The following SEC24D variants were observed in gnomAD, a reference collection of about 807,000 sequenced individuals.
The protein encoded by SEC24D is SEC24 homolog D, COPII component.
Under a neutral mutation model 116.9 loss-of-function variants are expected in SEC24D, and 69 were observed. The ratio of observed to expected loss-of-function variants is 0.59; its 90% confidence interval spans 0.49 to 0.72. The LOEUF (loss-of-function observed/expected upper bound fraction) is 0.72, where lower values mean the gene tolerates loss of function less well. Ranked by LOEUF, SEC24D falls within the 30% of genes least tolerant of loss-of-function variation. SEC24D has a pLI of 0.00. For synonymous variants in SEC24D, 405 were observed against 442.8 expected (o/e 0.91, Z 1.07); for missense variants, 1,131 against 1,264.1 (o/e 0.89, Z 1.60).
At chr4:118,738,694 G>A (rs1045665652) in intron 18 of SEC24D, among the ~76,000 whole-genome samples, 4 of 152,102 alleles carry the variant, frequency 2.6e-5, no homozygotes, top group Admixed American at 6.6e-5. Context: ...CTTACGGGCT[G>A]GATTGCTACC....
At chr4:118,760,217 G>C (rs1364304838) in intron 10 of SEC24D, among the ~76,000 whole-genome samples, 3 of 152,116 alleles carry the variant, frequency 2.0e-5, no homozygotes, top group African/African-American at 4.8e-5. Context: ...GTACAGTTCA[G>C]TGGCATTAAG....
intron 13 of SEC24D, among the ~76,000 whole-genome samples, chr4:118,746,103 G>A (rs1031618654): frequency 6.6e-6 from 1 of 151,852 alleles, no homozygotes; most frequent in Non-Finnish European, 1.5e-5. Context: ...TTAAGCCTAG[G>A]AGTTTGAGGC....
intron 8 of SEC24D, among the ~76,000 whole-genome samples, chr4:118,775,718 A>G (rs915466774): frequency 3.9e-5 from 6 of 152,176 alleles, no homozygotes; most frequent in African/African-American, 1.4e-4. Context: ...TTAGTAAGAT[A>G]TTTCACCATT....
At chr4:118,745,509 T>C (rs2110447927) in intron 13 of SEC24D, among the ~76,000 whole-genome samples, 1 of 152,196 alleles carries the variant, frequency 6.6e-6, no homozygotes, top group Admixed American at 6.5e-5. Flanking sequence ...AAAGCTACAG[T>C]GGTATTTTGA....
At chr4:118,829,244 G>A (rs1442854803) in intron 2 of SEC24D, among the ~76,000 whole-genome samples, 1 of 152,222 alleles carries the variant, frequency 6.6e-6, no homozygotes, top group Non-Finnish European at 1.5e-5. Context: ...TGGGTGCAGT[G>A]GCTCATGTTT....
chr4:118,757,095 C>G (rs979732379), intron 11 of SEC24D, among the ~76,000 whole-genome samples: 16 of 152,096 alleles, frequency 1.1e-4, no homozygotes, highest in African/African-American at 3.9e-4. Context: ...GTAATATGCC[C>G]AACAGCCTTT....
At chr4:118,831,590 T>A (rs55649377) in intron 2 of SEC24D, among the ~76,000 whole-genome samples, 6,640 of 152,126 alleles carry the variant, frequency 0.044, 198 homozygotes, top group Non-Finnish European at 0.064. Flanking sequence ...AAAACTTTTT[T>A]AATCCATTAT....
At chr4:118,757,306 C>T (rs1473857310) in intron 11 of SEC24D, among the ~76,000 whole-genome samples, 3 of 152,154 alleles carry the variant, frequency 2.0e-5, no homozygotes, top group Non-Finnish European at 4.4e-5. Context: ...AAGGAAATTG[C>T]TTAAAAATCT....
rs146735367 is a variant in SEC24D at position 118,726,346 on chromosome 4, T to C, written c.2958+2215A>G. Among the ~76,000 whole-genome samples the C allele has an allele frequency of 4.0e-3, 610 of 152,304 alleles. 3 individuals are homozygous for C. The highest frequency in any genetic ancestry group is 0.014 in the African/African-American group (562 of 41,552). ...CAGGAGCAGGGGATGTTTTGAAAGC[T>C]GACAGGAGAGAATTTGAGGAAGTAG... On this transcript the variant is annotated intron_variant, in intron 22 of 22. Transcript: ENST00000280551.
intron 15 of SEC24D, among the ~76,000 whole-genome samples, chr4:118,743,273 T>C (rs1288239530): frequency 6.6e-6 from 1 of 152,060 alleles, no homozygotes; most frequent in Non-Finnish European, 1.5e-5. Flanking sequence ...ACTCTGAGGA[T>C]GAATGAGCTC....
intron 9 of SEC24D, among the ~76,000 whole-genome samples, chr4:118,765,578 T>A (rs969302614): frequency 6.6e-6 from 1 of 152,256 alleles, no homozygotes; most frequent in African/African-American, 2.4e-5. Context: ...TATGGCCTGG[T>A]ATCTCTGTAA....
At chr4:118,821,354 T>A (rs1730395271) in intron 3 of SEC24D, among the ~76,000 whole-genome samples, 1 of 152,218 alleles carries the variant, frequency 6.6e-6, no homozygotes, top group African/African-American at 2.4e-5. Context: ...ATTGATTGAA[T>A]TTTTATTTTA....
At chr4:118,774,448 T>C (rs973139237) in intron 8 of SEC24D, among the ~76,000 whole-genome samples, 1 of 152,206 alleles carries the variant, frequency 6.6e-6, no homozygotes, top group African/African-American at 2.4e-5. Flanking sequence ...CAATTTGATA[T>C]TGAGGGGCTA....
At chr4:118,729,856 T>A (rs1725595219) in intron 21 of SEC24D, 1 of 152,140 alleles carries the variant, frequency 6.6e-6, no homozygotes, top group Non-Finnish European at 1.5e-5. Flanking sequence ...AAGCAAAAAA[T>A]TCATTATTTA....
intron 15 of SEC24D, among the ~76,000 whole-genome samples, chr4:118,742,380 G>C (rs1363580077): frequency 6.6e-6 from 1 of 151,508 alleles, no homozygotes; most frequent in African/African-American, 2.4e-5. Flanking sequence ...AAGTGGGGGG[G>C]GGAAAGCTTC....
At chr4:118,801,077 C>T (rs372635951) in intron 7 of SEC24D, among the ~76,000 whole-genome samples, 37 of 152,028 alleles carry the variant, frequency 2.4e-4, no homozygotes, top group Non-Finnish European at 4.3e-4. Flanking sequence ...TTGGCTAACA[C>T]GGTGAAACCC....
At chr4:118,816,576 C>T (rs56212415) in intron 4 of SEC24D, among the ~76,000 whole-genome samples, 6,646 of 152,224 alleles carry the variant, frequency 0.044, 201 homozygotes, top group Non-Finnish European at 0.064. Context: ...TTATGGGAAA[C>T]TGGGTTGCTT....
intron 13 of SEC24D, among the ~76,000 whole-genome samples, chr4:118,750,308 A>G (rs1280778069): frequency 6.6e-6 from 1 of 152,188 alleles, no homozygotes; most frequent in Non-Finnish European, 1.5e-5. Context: ...TTTGCTTTAT[A>G]TATTTTTTCT....
intron 6 of SEC24D, among the ~76,000 whole-genome samples, chr4:118,806,362 G>T (rs1236382572): frequency 1.3e-5 from 2 of 151,380 alleles, no homozygotes; most frequent in Admixed American, 6.6e-5. Context: ...TGAGATGGGG[G>T]TCTCACTCTG....
Sources: gnomAD v4.1 joint callset for allele counts (sites outside exome capture counted in the v4.1 genomes callset) on GRCh38, gnomAD v4.1.1 for gene constraint, MANE v1.5 for transcripts, NCBI Gene and HGNC (gene_info 2026-07-23, HGNC 2026-07-21) for gene names.